The following FRY variants were observed in gnomAD, a reference collection of about 807,000 sequenced individuals.
The protein encoded by FRY is protein furry homolog.
Under a neutral mutation model 348.4 loss-of-function variants are expected in FRY, and 128 were observed. The observed-to-expected ratio is 0.37, with a 90% CI of 0.32 to 0.43. The LOEUF is 0.43. Ranked by LOEUF, FRY falls within the 20% of genes least tolerant of loss-of-function variation. The pLI is 1.00. For missense variants in FRY, 2,736 were observed against 3,695.2 expected, an observed-to-expected ratio of 0.74 and a Z score of 6.73; for synonymous variants, 1,370 against 1,374.7, an observed-to-expected ratio of 1.00 and a Z score of 0.08.
At chr13:32,208,743 A>G (rs1282034158) in intron 31 of FRY, 110 bp from the exon 32 acceptor site, 1 of 1,331,070 alleles carries the variant, frequency 7.5e-7, no homozygotes, top group East Asian at 2.3e-5. Flanking sequence ...GTATGTGAAA[A>G]TGTTTTGTAA....
intron 1 of FRY, among the ~76,000 whole-genome samples, chr13:32,068,969 G>A (rs182390188): frequency 2.2e-5 from 3 of 137,578 alleles, no homozygotes; most frequent in African/African-American, 5.4e-5. Flanking sequence ...AGGCTGGAGC[G>A]CAGTGGCCTG....
intron 40 of FRY, 57 bp from the exon 41 acceptor site, chr13:32,231,122 G>T: frequency 6.4e-7 from 1 of 1,553,528 alleles, no homozygotes; most frequent in Non-Finnish European, 8.9e-7. Context: ...TGTATGTGTA[G>T]TTTTAAAAAT....
At chr13:32,094,788 C>A (rs1448887373) in intron 2 of FRY, among the ~76,000 whole-genome samples, 2 of 152,176 alleles carry the variant, frequency 1.3e-5, no homozygotes, top group African/African-American at 4.8e-5. Flanking sequence ...GCTTCTAAAT[C>A]TTGGCTATTG....
intron 51 of FRY, chr13:32,257,915 G>T (rs1488369722): frequency 1.3e-6 from 2 of 1,536,468 alleles, no homozygotes; most frequent in Admixed American, 1.7e-5. Flanking sequence ...TATAATCATT[G>T]TAAATAGACC....
chr13:32,283,351 A>G (rs997018441), intron 58 of FRY, among the ~76,000 whole-genome samples: 3 of 152,202 alleles, frequency 2.0e-5, no homozygotes, highest in South Asian at 4.1e-4. Context: ...CACTGAATGC[A>G]AGAGCCAGGC....
chr13:32,042,423 A>G (rs938919988), intron 1 of FRY, among the ~76,000 whole-genome samples: 1 of 152,220 alleles, frequency 6.6e-6, no homozygotes, highest in Non-Finnish European at 1.5e-5. Context: ...TACTTTTGCT[A>G]TAAATGATAG....
intron 47 of FRY, among the ~76,000 whole-genome samples, chr13:32,245,588 C>T (rs1265582502): frequency 1.3e-5 from 2 of 152,020 alleles, no homozygotes; most frequent in African/African-American, 2.4e-5. Context: ...CACTCCAACC[C>T]GGCCAACAGT....
At chr13:32,257,241 G>T (rs1446825180) in intron 51 of FRY, among the ~76,000 whole-genome samples, 1 of 152,202 alleles carries the variant, frequency 6.6e-6, no homozygotes, top group African/African-American at 2.4e-5. Flanking sequence ...GTCTAGCAAA[G>T]TGTCAGGCAT....
At chr13:32,189,415 A>G (rs1220810809) in intron 28 of FRY, among the ~76,000 whole-genome samples, 1 of 152,106 alleles carries the variant, frequency 6.6e-6, no homozygotes, top group African/African-American at 2.4e-5. Context: ...AAAGAGAGAA[A>G]AGGTGGATAA....
Position 32,185,098 on chromosome 13 carries a change from T to C in FRY, c.3269T>C (p.Ile1090Thr). ...NDKEVEILKD[I>T]RAHFSAMVAN... ...AAAGAAGTTGAAATTCTTAAAGATA[T>C]CCGGGCACATTTTAGTGCAATGGTG... Residue 1090 changes from isoleucine (I) to threonine (T), a missense_variant, in exon 26 of 61, where the codon ATC becomes ACC. This residue lies in a region of FRY where 449 missense variants were observed against 576.9 expected (regional missense o/e 0.78). Transcript: ENST00000542859. The C allele has an allele frequency of 6.2e-7, 1 of 1,614,054 alleles. No individual in the cohort carries two copies. Among genetic ancestry groups the C allele is most frequent in the Non-Finnish European group, 8.5e-7 (1 of 1,179,898 alleles).
chr13:32,169,082 C>T (rs1049829494), intron 17 of FRY, among the ~76,000 whole-genome samples: 2 of 152,202 alleles, frequency 1.3e-5, no homozygotes, highest in African/African-American at 4.8e-5. Flanking sequence ...CCCATTGACT[C>T]TGCCATGTTC....
chr13:32,255,976 T>C (rs1193407668), intron 51 of FRY, among the ~76,000 whole-genome samples: 1 of 152,086 alleles, frequency 6.6e-6, no homozygotes, highest in African/African-American at 2.4e-5. Context: ...CAGAGAAAAA[T>C]GTTATGTGAA....
chr13:32,165,207 A>G (rs1422161237), intron 17 of FRY, among the ~76,000 whole-genome samples: 1 of 152,154 alleles, frequency 6.6e-6, no homozygotes, highest in African/African-American at 2.4e-5. Context: ...GTGTTTCCTT[A>G]TTATTTGTAG....
rs114885833 is a variant in FRY at position 32,249,505 on chromosome 13, T to C, written c.7009-21T>C. The C allele has an allele frequency of 1.0e-4, 169 of 1,613,602 alleles. No homozygotes were observed. In the African/African-American group the frequency reaches 2.0e-3, roughly 19 times the overall value. On this transcript the variant is annotated intron_variant, in intron 48 of 60. Coordinates refer to ENST00000542859, the MANE Select transcript of FRY (RefSeq NM_023037.3). ...ACAAAACCATTGAGACAGAATAATGTGCGTTTGTCTTCTTCTCAAGACTCC... is the reference window on the plus strand; with the variant it reads ...ACAAAACCATTGAGACAGAATAATGCGCGTTTGTCTTCTTCTCAAGACTCC...
chr13:32,208,050 CAA>C (rs1299929719), intron 31 of FRY, among the ~76,000 whole-genome samples: 1 of 152,182 alleles, frequency 6.6e-6, no homozygotes, highest in East Asian at 1.9e-4. Flanking sequence ...GGCAGTGAAA[CAA>C]TGCCAAAATG....
intron 46 of FRY, among the ~76,000 whole-genome samples, chr13:32,243,803 T>G (rs1886633158): frequency 6.6e-6 from 1 of 152,184 alleles, no homozygotes; most frequent in Non-Finnish European, 1.5e-5. Context: ...TAAGGAAATG[T>G]GCAATCAAGC....
intron 47 of FRY, among the ~76,000 whole-genome samples, chr13:32,246,638 AG>A (rs1470148751): frequency 6.6e-6 from 1 of 152,204 alleles, no homozygotes; most frequent in Non-Finnish European, 1.5e-5. Flanking sequence ...GAAGAGTTCT[AG>A]GAAGATCACT....
chr13:32,254,871 G>A (rs1239681117), intron 51 of FRY, among the ~76,000 whole-genome samples: 2 of 152,142 alleles, frequency 1.3e-5, no homozygotes, highest in Admixed American at 6.5e-5. Context: ...TGATGAAATC[G>A]TTAGAACTGG....
intron 2 of FRY, among the ~76,000 whole-genome samples, chr13:32,100,035 A>G (rs1877047007): frequency 6.6e-6 from 1 of 152,056 alleles, no homozygotes; most frequent in African/African-American, 2.4e-5. Context: ...CAGTCTAATA[A>G]ATAAACCTTA....
Sources: gnomAD v4.1 joint callset for allele counts (sites outside exome capture counted in the v4.1 genomes callset) on GRCh38, gnomAD v4.1.1 for gene constraint, gnomAD v4.1.1 regional missense constraint, MANE v1.5 for transcripts, NCBI Gene and HGNC (gene_info 2026-07-23, HGNC 2026-07-21) for gene names.